Variants in ABR observed in about 807,000 individuals in gnomAD.
ABR encodes active breakpoint cluster region-related protein.
ABR carries 35 observed loss-of-function variants against 107.2 expected under a neutral mutation model. That is an observed-to-expected ratio of 0.33 (90% CI 0.25 to 0.43). The LOEUF (loss-of-function observed/expected upper bound fraction) is 0.43. ABR is among the 20% of genes least tolerant of loss of function. The pLI is 1.00. For missense variants in ABR, 815 were observed against 1,115.2 expected (o/e 0.73, Z 3.83); for synonymous variants, 498 against 462.0 (o/e 1.08, Z -1.00).
At chr17:1,201,836 C>T (rs965685113) in intron 1 of ABR, among the ~76,000 whole-genome samples, 6 of 152,120 alleles carry the variant, frequency 3.9e-5, no homozygotes, top group Non-Finnish European at 7.4e-5. Flanking sequence ...ACCACCACGC[C>T]CGGCTAATTT....
intron 16 of ABR, among the ~76,000 whole-genome samples, chr17:1,028,139 G>A (rs72812097): frequency 0.073 from 11,121 of 152,152 alleles, 503 homozygotes; most frequent in South Asian, 0.13. Context: ...TGCCCAGGCT[G>A]GAGTGCAGTG....
intron 3 of ABR, among the ~76,000 whole-genome samples, chr17:1,097,338 C>G (rs2037536070): frequency 6.6e-6 from 1 of 152,164 alleles, no homozygotes; most frequent in Non-Finnish European, 1.5e-5. Flanking sequence ...CATCTGTAAT[C>G]CCAGCACTTT....
At chr17:1,019,186 C>G (rs1158889774) in intron 16 of ABR, among the ~76,000 whole-genome samples, 1 of 152,326 alleles carries the variant, frequency 6.6e-6, no homozygotes, top group East Asian at 1.9e-4. Flanking sequence ...CTGGGCACAT[C>G]TGACCCAGGA....
chr17:1,158,363 TG>T (rs2041127060), intron 1 of ABR, among the ~76,000 whole-genome samples: 1 of 151,784 alleles, frequency 6.6e-6, no homozygotes, highest in African/African-American at 2.4e-5. Flanking sequence ...CCCAGACTGC[TG>T]GGATTACAGG....
chr17:1,018,010 A>G lies in ABR; in HGVS notation c.1792-4846T>C, dbSNP rs1317357238. On this transcript the variant is annotated intron_variant, in intron 16 of 22. Transcript: ENST00000302538. ...CAGCCTCCTGAAGAGCTGGCATTAC[A>G]GGCATGTACCACTGTGTGGGCCCTT... 2.0e-5 allele frequency among the ~76,000 whole-genome samples: 3 copies of G among 152,086 alleles called. No individual in the cohort carries two copies. In the East Asian group the frequency reaches 5.8e-4, roughly 29 times the overall value.
At chr17:1,018,039 TTTTA>T (rs575511053) in intron 16 of ABR, among the ~76,000 whole-genome samples, 12 of 151,858 alleles carry the variant, frequency 7.9e-5, no homozygotes, top group Admixed American at 7.9e-4. Context: ...GGCCCTTATT[TTTTA>T]TTTATTTATT....
chr17:1,105,903 G>C (rs2038213993), intron 2 of ABR, among the ~76,000 whole-genome samples: 1 of 152,000 alleles, frequency 6.6e-6, no homozygotes, highest in African/African-American at 2.4e-5. Context: ...GATACCTAAA[G>C]GGTTAATCTG....
chr17:1,201,270 C>G (rs191079416), intron 1 of ABR, among the ~76,000 whole-genome samples: 4 of 152,144 alleles, frequency 2.6e-5, no homozygotes, highest in Non-Finnish European at 5.9e-5. Context: ...AGAACAGACC[C>G]GGTTCACGGC....
At chr17:1,012,292 C>G (rs967068482) in intron 18 of ABR, 1 of 642,354 alleles carries the variant, frequency 1.6e-6, no homozygotes, top group Admixed American at 2.1e-5. Flanking sequence ...CAGCAGGCAG[C>G]CCACATGAGG....
chr17:1,091,680 G>A lies in ABR; in HGVS notation c.516C>T (p.His172=), dbSNP rs772783370. 1 of 1,613,670 alleles carries A rather than the reference G, an allele frequency of 6.2e-7. No individual in the cohort carries two copies. Among genetic ancestry groups the A allele is most frequent in the East Asian group, 2.2e-5 (1 of 44,876 alleles). ...GCAGACTCACCAGCTTCTGGAAGAGGTGGCCCATGGTGACCTGGCTGTCCC... is the reference window on the plus strand; with the variant it reads ...GCAGACTCACCAGCTTCTGGAAGAGATGGCCCATGGTGACCTGGCTGTCCC... ...QQWDSQVTMG[H]LFQKLASQLG... is the part of the protein sequence containing the mutation. The change falls in exon 4 of 23, where the codon CAC becomes CAT. Residue 172 remains histidine (H), a synonymous_variant. Transcript: ENST00000302538.
rs761804912 is a variant in ABR at position 1,112,954 on chromosome 17, AC to A, written c.247-12220del. Among the ~76,000 whole-genome samples the A allele has an allele frequency of 3.6e-3, 329 of 90,432 alleles. 4 individuals are homozygous for A. Among genetic ancestry groups the A allele is most frequent in the Middle Eastern group, 0.025 (4 of 162 alleles). 59.3% of individuals were successfully genotyped at this position (90,432 alleles called of 152,430 possible). On this transcript the variant is annotated intron_variant, in intron 2 of 22. Coordinates refer to ENST00000302538, the MANE Select transcript of ABR (RefSeq NM_021962.5). ...TGACCCAATCAGCAAGCATTTGTTA[AC>A]CACCTGACCCAATCAGCAAGCATTT...
At chr17:1,173,272 TCACCTCAGC>T (rs1275322974) in intron 1 of ABR, among the ~76,000 whole-genome samples, 93 of 104,356 alleles carry the variant, frequency 8.9e-4, no homozygotes, top group African/African-American at 3.2e-3. Flanking sequence ...ACCCAACACA[TCACCTCAGC>T]CCACCCAACA....
intron 4 of ABR, among the ~76,000 whole-genome samples, chr17:1,085,590 C>T (rs1009979344): frequency 6.6e-6 from 1 of 152,126 alleles, no homozygotes; most frequent in African/African-American, 2.4e-5. Flanking sequence ...TACATACAAA[C>T]TGCAGAGCCG....
At chr17:1,185,227 T>C (rs987037610) in intron 1 of ABR, 11 of 152,344 alleles carry the variant, frequency 7.2e-5, no homozygotes, top group Non-Finnish European at 1.0e-4. Flanking sequence ...CAGATGACCC[T>C]GGAGACAAGC....
Position 1,010,920 on chromosome 17 carries a change from C to A in ABR, c.2102-57G>T. ...TAGCTGGGCCAGCAGCCCCGTTCCA[C>A]CCCCGACCCATCCTGACACAGCCCC... is the stretch of plus-strand genomic sequence containing the variant. On this transcript the variant is annotated intron_variant, in intron 19 of 22. Coordinates refer to ENST00000302538, the MANE Select transcript of ABR (RefSeq NM_021962.5). This position sits in a 1 kb window ranked among gnomAD's most constrained non-coding sequence, Gnocchi z 4.1. 1 of 1,602,010 alleles carries A rather than the reference C, an allele frequency of 6.2e-7. No homozygotes were observed. The highest frequency in any genetic ancestry group is 2.2e-5 in the East Asian group (1 of 44,806).
intron 16 of ABR, among the ~76,000 whole-genome samples, chr17:1,026,576 C>T (rs1036216584): frequency 8.5e-5 from 13 of 152,212 alleles, no homozygotes; most frequent in South Asian, 6.2e-4. Flanking sequence ...ACCAGCTCCA[C>T]GGGCCCCTCC....
chr17:1,105,882 T>A (rs537360338), intron 2 of ABR, among the ~76,000 whole-genome samples: 44 of 147,970 alleles, frequency 3.0e-4, no homozygotes, highest in African/African-American at 1.0e-3. Flanking sequence ...AAAAAAAAAA[T>A]GGCACAGAAT....
At chr17:1,073,722 G>C (rs371779486) in intron 6 of ABR, 45 bp from the exon 7 acceptor site, 14 of 1,544,066 alleles carry the variant, frequency 9.1e-6, no homozygotes, top group Non-Finnish European at 1.2e-5. Context: ...TGATGGACGA[G>C]GGCAACCCAA....
intron 1 of ABR, among the ~76,000 whole-genome samples, chr17:1,202,633 G>T (rs757247796): frequency 6.6e-6 from 1 of 152,050 alleles, no homozygotes; most frequent in Non-Finnish European, 1.5e-5. Flanking sequence ...GGCAGCAAAT[G>T]TTGCATGAAA....
Sources: allele counts gnomAD v4.1 joint callset (sites outside exome capture counted in the v4.1 genomes callset), GRCh38; gene constraint gnomAD v4.1.1; non-coding constraint Gnocchi (gnomAD v3.1); transcripts MANE v1.5; gene names NCBI Gene and HGNC (gene_info 2026-07-23, HGNC 2026-07-21).